SPAG5: variants seen among roughly 807,000 people sequenced by gnomAD.
SPAG5 encodes sperm associated antigen 5.
A neutral mutation model predicts 145.4 loss-of-function variants in SPAG5; 99 were observed. That is an observed-to-expected ratio of 0.68 (90% CI 0.58 to 0.80). The LOEUF is 0.80. SPAG5 is among the 30% of genes least tolerant of loss of function. The probability of loss-of-function intolerance (pLI) is 0.00; values close to 1 mark genes in which losing one functional copy is unlikely to be tolerated. For synonymous variants in SPAG5, 477 were observed against 525.4 expected, an observed-to-expected ratio of 0.91 and a Z score of 1.26; for missense variants, 1,192 against 1,416.0, an observed-to-expected ratio of 0.84 and a Z score of 2.54.
In SPAG5 at chr17:28,578,263, C is replaced by G. The variant is rs1477073226; in HGVS notation, c.3384G>C (p.Glu1128Asp). ...TGAGTTTTTCCTTCTCATTTTTCATCTCCAGGAACATCACTCTCAGTTTGT... is the reference window on the plus strand; with the variant it reads ...TGAGTTTTTCCTTCTCATTTTTCATGTCCAGGAACATCACTCTCAGTTTGT... Reference protein sequence around the residue: ...EVDKLRVMFLEMKNEKEKLMI... With the variant: ...EVDKLRVMFLDMKNEKEKLMI... Residue 1128 changes from glutamate to aspartate, a missense_variant, in exon 22 of 24, where the codon GAG (glutamate) becomes GAC (aspartate). Coordinates refer to ENST00000321765, the MANE Select transcript of SPAG5 (RefSeq NM_006461.4). 1 of 1,614,186 alleles carries G rather than the reference C, an allele frequency of 6.2e-7. No homozygotes were observed. The highest frequency in any genetic ancestry group is 1.1e-5 in the South Asian group (1 of 91,088).
chr17:28,581,664 T>C (rs1401312276), intron 15 of SPAG5, among the ~76,000 whole-genome samples: 2 of 151,886 alleles, frequency 1.3e-5, no homozygotes, highest in Admixed American at 1.3e-4. Context: ...CTCTCTCCAG[T>C]TCTCCCGCCT....
At chr17:28,578,872 G>A (rs900329844) in intron 19 of SPAG5, 120 bp from the exon 20 acceptor site, 7 of 843,794 alleles carry the variant, frequency 8.3e-6, no homozygotes, top group South Asian at 4.3e-5. Context: ...TTGATATCAC[G>A]CCAATTCTTT....
Position 28,583,663 on chromosome 17 carries a change from C to T in SPAG5, c.2547-14G>A. The stretch of plus-strand genomic sequence containing the variant: ...GCCAGTTTAGCCCTGAAATAAGGAA[C>T]AGGGAAGATGACCAAAGACCAAATT... On this transcript the variant is annotated splice_polypyrimidine_tract_variant and intron_variant, in intron 14 of 23. Coordinates refer to ENST00000321765, the MANE Select transcript of SPAG5 (RefSeq NM_006461.4). The T allele has an allele frequency of 2.5e-6, 4 of 1,588,674 alleles. No individual in the cohort carries two copies. The highest frequency in any genetic ancestry group is 2.6e-6 in the Non-Finnish European group (3 of 1,170,200).
Position 28,591,788 on chromosome 17 carries a change from GGA to G in SPAG5, c.1345_1346del (p.Ser449ProfsTer21). On this transcript the variant is annotated frameshift_variant, in exon 4 of 24. Coordinates refer to ENST00000321765, the MANE Select transcript of SPAG5 (RefSeq NM_006461.4). LOFTEE classifies it high-confidence loss of function. ...GGCTCTTCCAGTCCCGAAGCTGGCG[GGA>G]GAGAACCTCCAGAATGACAAGAGAG... ...LSSLVILEVL[S>X]RQLRDWKSQL... The G allele has an allele frequency of 6.2e-7, 1 of 1,614,168 alleles. No homozygotes were observed. The highest frequency in any genetic ancestry group is 8.5e-7 in the Non-Finnish European group (1 of 1,180,026).
intron 2 of SPAG5, 68 bp from the exon 3 acceptor site, chr17:28,593,134 C>T: frequency 6.5e-7 from 1 of 1,529,840 alleles, no homozygotes. Flanking sequence ...ATTACAGGTG[C>T]AAGATAGTGC....
In SPAG5 at chr17:28,579,808, C is replaced by G; in HGVS notation, c.2827G>C (p.Gly943Arg). The G allele has an allele frequency of 6.2e-7, 1 of 1,614,174 alleles. No individual in the cohort carries two copies. The highest frequency in any genetic ancestry group is 8.5e-7 in the Non-Finnish European group (1 of 1,180,030). The change falls in exon 17 of 24, where the codon GGA (glycine) becomes CGA (arginine). Residue 943 changes from glycine (G) to arginine (R), a missense_variant. By Grantham distance (125) the Gly-to-Arg change is moderately radical. This residue lies in a region of SPAG5 where 709 missense variants were observed against 840.7 expected (regional missense o/e 0.84). Transcript: ENST00000321765. Reference protein sequence around the residue: ...EPESTPVPLLGSDKSAFTRVA... With the variant: ...EPESTPVPLLRSDKSAFTRVA... Reference sequence around the variant, plus strand: ...CGGGTGAAAGCACTCTTGTCACTTCCAAGCAAGGGCACAGGAGTTGATTCT... The same window carrying G: ...CGGGTGAAAGCACTCTTGTCACTTCGAAGCAAGGGCACAGGAGTTGATTCT...
At position 28,592,949 on chromosome 17, in the gene SPAG5, C is replaced by A; in HGVS notation, c.295G>T (p.Glu99Ter). ...TGGGGAATTGGATCTAGAGGCTGCT[C>A]ATCTGATTCATGCTGACAAGTTTCT... Reference protein sequence around the residue: ...WLETCQHESDEQPLDPIPQIS... With the variant: ...WLETCQHESD The change falls in exon 3 of 24, where the codon GAG becomes TAG. Residue 99 changes from glutamate to a stop codon, truncating the protein, a stop_gained. Transcript: ENST00000321765. LOFTEE classifies it high-confidence loss of function. The A allele has an allele frequency of 6.2e-7, 1 of 1,614,160 alleles. No homozygotes were observed. The highest frequency in any genetic ancestry group is 8.5e-7 in the Non-Finnish European group (1 of 1,180,036).
Position 28,592,184 on chromosome 17 carries a change from C to G in SPAG5, c.1060G>C (p.Val354Leu), listed in dbSNP as rs747402791. 27 of 1,614,036 alleles carry G rather than the reference C, an allele frequency of 1.7e-5. No homozygotes were observed. In the Admixed American group the frequency reaches 4.5e-4, roughly 27 times the overall value. ...CTTTGGCGGAGATTTTCCAGCATGA[C>G]GGAGGTATTTACACCTTTTTCCAGC... Reference protein sequence around the residue: ...AWLEKGVNTSVMLENLRQSLS... With the variant: ...AWLEKGVNTSLMLENLRQSLS... Residue 354 changes from valine (V) to leucine (L), a missense_variant, in exon 3 of 24, where the codon GTC becomes CTC. Val to Leu is a conservative substitution (Grantham distance 32, BLOSUM62 1). This residue lies in a region of SPAG5 where 125 missense variants were observed against 143.8 expected (regional missense o/e 0.87). Coordinates refer to ENST00000321765, the MANE Select transcript of SPAG5 (RefSeq NM_006461.4).
chr17:28,587,007 G>A (rs1000182859), intron 4 of SPAG5, among the ~76,000 whole-genome samples: 14 of 152,110 alleles, frequency 9.2e-5, no homozygotes, highest in South Asian at 4.2e-4. Flanking sequence ...CTCCTGCCTC[G>A]GACTTCCAAA....
chr17:28,583,444 T>G, intron 15 of SPAG5, 67 bp downstream of exon 15: 1 of 1,478,482 alleles, frequency 6.8e-7, no homozygotes, highest in East Asian at 2.3e-5. Context: ...AGAGTAATGT[T>G]TTAGGAAGAC....
At chr17:28,581,836 A>G (rs146677096) in intron 15 of SPAG5, among the ~76,000 whole-genome samples, 215 of 151,954 alleles carry the variant, frequency 1.4e-3, no homozygotes, top group African/African-American at 4.9e-3. Context: ...AGTGCTTCCT[A>G]TTGCTATCCC....
chr17:28,592,992 A>C lies in SPAG5; in HGVS notation c.252T>G (p.Ser84Arg). Residue 84 changes from serine to arginine, a missense_variant, in exon 3 of 24, where the codon AGT (serine) becomes AGG (arginine). Physicochemically the swap from Ser to Arg is moderately radical, Grantham distance 110. Coordinates refer to ENST00000321765, the MANE Select transcript of SPAG5 (RefSeq NM_006461.4). The stretch of plus-strand genomic sequence containing the variant: ...AAGTTTCTAGCCACTTTGAGGAATG[A>C]CTGAAATGTTCTGAAGATAAGTCTG... ...KRTDLSSEHFSHSSKWLETCQ... is the reference protein window; with the variant it reads ...KRTDLSSEHFRHSSKWLETCQ... 2 of 1,614,172 alleles carry C rather than the reference A, an allele frequency of 1.2e-6. No homozygotes were observed. The highest frequency in any genetic ancestry group is 1.7e-6 in the Non-Finnish European group (2 of 1,180,030).
chr17:28,586,053 C>A, intron 6 of SPAG5, 37 bp downstream of exon 6: 2 of 1,613,768 alleles, frequency 1.2e-6, no homozygotes, highest in Non-Finnish European at 1.7e-6. Flanking sequence ...CTTTTAGTCC[C>A]ACCACAGGCC....
rs1409002493 is a variant in SPAG5 at position 28,586,299 on chromosome 17, T to C, written c.1513-117A>G. The C allele has an allele frequency of 4.1e-6, 5 of 1,227,828 alleles. No individual in the cohort carries two copies. In the African/African-American group the frequency reaches 4.5e-5, roughly 11 times the overall value. The allele number at this position is 1,227,828 out of a possible 1,614,324, so 76.1% of individuals were successfully genotyped here. A position where few individuals can be genotyped will look rare whatever the true frequency, so the allele number is the denominator to read the frequency against. On this transcript the variant is annotated intron_variant, in intron 5 of 23. Transcript: ENST00000321765. ...AAGCTCCGCATAAGGAGATGTACTT[T>C]ACAAATGTTTGGAAACCTCCCTTCA... is the stretch of plus-strand genomic sequence containing the variant.
chr17:28,584,634 A>G lies in SPAG5; in HGVS notation c.2161+18T>C, dbSNP rs756581525. 5 of 1,609,956 alleles carry G rather than the reference A, an allele frequency of 3.1e-6. No homozygotes were observed. The South Asian group carries it at 5.5e-5, about 18-fold the overall frequency. On this transcript the variant is annotated intron_variant, in intron 11 of 23. Transcript: ENST00000321765. Reference sequence around the variant, plus strand: ...CAAATGCTTACATGCATGCATACACACACACACACACAAACACCTGTTGCT... The same window carrying G: ...CAAATGCTTACATGCATGCATACACGCACACACACACAAACACCTGTTGCT...
intron 15 of SPAG5, chr17:28,580,586 C>A (rs1567623095): frequency 6.6e-6 from 1 of 152,276 alleles, no homozygotes; most frequent in Non-Finnish European, 1.5e-5. Context: ...CTTGTTTTAC[C>A]TGACCTATTT....
Position 28,591,787 on chromosome 17 carries a change from G to T in SPAG5, c.1348C>A (p.Arg450Ser). The T allele has an allele frequency of 1.2e-6, 2 of 1,614,134 alleles. No individual in the cohort carries two copies. Among genetic ancestry groups the T allele is most frequent in the Non-Finnish European group, 1.7e-6 (2 of 1,180,024 alleles). Residue 450 changes from arginine (R) to serine (S), a missense_variant, in exon 4 of 24, where the codon CGC (arginine) becomes AGC (serine). Arg to Ser is a moderately radical substitution (Grantham distance 110). Around this residue, in one of 5 missense-constraint regions of SPAG5, gnomAD observed 125 missense variants for 143.8 expected, o/e 0.87. Coordinates refer to ENST00000321765, the MANE Select transcript of SPAG5 (RefSeq NM_006461.4). ...TGGCTCTTCCAGTCCCGAAGCTGGCGGGAGAGAACCTCCAGAATGACAAGA... is the reference window on the plus strand; with the variant it reads ...TGGCTCTTCCAGTCCCGAAGCTGGCTGGAGAGAACCTCCAGAATGACAAGA... ...SSLVILEVLS[R>S]QLRDWKSQLA...
chr17:28,578,750 A>G lies in SPAG5; in HGVS notation c.3120T>C (p.Asn1040=). Residue 1040 remains asparagine, a splice_region_variant and synonymous_variant, in exon 20 of 24, where the codon AAT becomes AAC. Transcript: ENST00000321765. ...LNQALCLRYK[N]EKELQEVIQQ... is the part of the protein sequence containing the mutation. Reference sequence around the variant, plus strand: ...GTATCACTTCCTGGAGCTCCTTTTCATTCTGTGAGGGAAAGGGAGGTGAGA... The same window carrying G: ...GTATCACTTCCTGGAGCTCCTTTTCGTTCTGTGAGGGAAAGGGAGGTGAGA... 6.2e-7 allele frequency: 1 copy of G among 1,612,288 alleles called. No individual in the cohort carries two copies. Among genetic ancestry groups the G allele is most frequent in the Non-Finnish European group, 8.5e-7 (1 of 1,178,474 alleles).
chr17:28,578,873 C>T (rs1331167689), intron 19 of SPAG5, 121 bp from the exon 20 acceptor site: 2 of 832,528 alleles, frequency 2.4e-6, no homozygotes, highest in South Asian at 1.4e-5. Flanking sequence ...TGATATCACG[C>T]CAATTCTTTC....
Sources: gnomAD v4.1 joint callset for allele counts (sites outside exome capture counted in the v4.1 genomes callset) on GRCh38, gnomAD v4.1.1 for gene constraint, gnomAD v4.1.1 regional missense constraint, MANE v1.5 for transcripts, NCBI Gene and HGNC (gene_info 2026-07-23, HGNC 2026-07-21) for gene names.